NUP210L: variants seen among roughly 807,000 people sequenced by gnomAD.
NUP210L encodes nuclear pore membrane glycoprotein 210-like.
In NUP210L, 74 loss-of-function variants were observed where a neutral mutation model predicts 208.5. That is an observed-to-expected ratio of 0.35 (90% CI 0.29 to 0.43). NUP210L has a LOEUF of 0.43. NUP210L is among the 20% of genes least tolerant of loss of function. The pLI, the probability that NUP210L is intolerant of heterozygous loss-of-function variation, is 1.00. For missense variants in NUP210L, 1,843 were observed against 2,289.4 expected (o/e 0.81, Z 3.98); for synonymous variants, 780 against 816.9 (o/e 0.95, Z 0.77).
At chr1:154,015,750 C>CA (rs59728881) in intron 33 of NUP210L, among the ~76,000 whole-genome samples, 9 of 148,270 alleles carry the variant, frequency 6.1e-5, no homozygotes, top group Non-Finnish European at 1.2e-4. Flanking sequence ...CACACACACA[C>CA]CCCACAGAAT....
chr1:154,149,332 C>T (rs1354348293), intron 2 of NUP210L, among the ~76,000 whole-genome samples: 2 of 152,062 alleles, frequency 1.3e-5, no homozygotes, highest in East Asian at 1.9e-4. Flanking sequence ...GTGATCCACC[C>T]GCCTTGGCCT....
intron 30 of NUP210L, among the ~76,000 whole-genome samples, chr1:154,024,934 T>TTG (rs1651779905): frequency 7.4e-6 from 1 of 135,416 alleles, no homozygotes; most frequent in Non-Finnish European, 1.6e-5. Context: ...TTTTTTTTTT[T>TTG]TTTTTTTTTT....
intron 12 of NUP210L, among the ~76,000 whole-genome samples, chr1:154,112,463 G>A (rs556390726): frequency 1.3e-5 from 2 of 152,236 alleles, no homozygotes; most frequent in Admixed American, 1.3e-4. Flanking sequence ...GTAACACAAA[G>A]AAAGGATAAA....
intron 33 of NUP210L, among the ~76,000 whole-genome samples, chr1:154,016,967 A>G (rs1651280004): frequency 6.6e-6 from 1 of 151,792 alleles, no homozygotes; most frequent in South Asian, 2.1e-4. Flanking sequence ...CTCCATCTCA[A>G]AAAAAAACAA....
At chr1:154,066,719 A>G (rs1319205331) in intron 17 of NUP210L, among the ~76,000 whole-genome samples, 3 of 152,246 alleles carry the variant, frequency 2.0e-5, no homozygotes, top group Non-Finnish European at 4.4e-5. Context: ...AAGAAAAGAG[A>G]GAGGAATCAA....
chr1:154,134,170 T>C (rs1454620426), intron 7 of NUP210L, among the ~76,000 whole-genome samples: 1 of 149,948 alleles, frequency 6.7e-6, no homozygotes, highest in Non-Finnish European at 1.5e-5. Flanking sequence ...ATAATAATAA[T>C]AATAATAATA....
chr1:154,114,680 C>T lies in NUP210L; in HGVS notation c.1620+3045G>A, dbSNP rs181753989. 1.7e-3 allele frequency among the ~76,000 whole-genome samples: 258 copies of T among 151,954 alleles called. 1 individual carries two copies. The highest frequency in any genetic ancestry group is 2.6e-3 in the Admixed American group (40 of 15,234). Reference sequence around the variant, plus strand: ...GTGCAGAGGCGTGATCATAGTTCACCGCAACCTCAAACTCCTGGCCTCAAG... The same window carrying T: ...GTGCAGAGGCGTGATCATAGTTCACTGCAACCTCAAACTCCTGGCCTCAAG... On this transcript the variant is annotated intron_variant, in intron 12 of 39. Transcript: ENST00000368559.
At chr1:154,124,477 C>T (rs1423316428) in intron 10 of NUP210L, among the ~76,000 whole-genome samples, 1 of 151,992 alleles carries the variant, frequency 6.6e-6, no homozygotes. Flanking sequence ...TATCCCTTTA[C>T]TCAATAACTC....
intron 10 of NUP210L, among the ~76,000 whole-genome samples, chr1:154,121,978 G>C (rs1237979364): frequency 6.6e-6 from 1 of 151,670 alleles, no homozygotes; most frequent in Admixed American, 6.6e-5. Context: ...CAGACAAATA[G>C]AGAAAAGTCA....
chr1:154,152,789 G>A (rs369687777), exon 2 of NUP210L: 3 of 1,613,932 alleles, frequency 1.9e-6, no homozygotes, highest in Non-Finnish European at 8.5e-7. Flanking sequence ...CGTAGATTCA[G>A]CAATGAGTAC....
chr1:154,016,386 A>G (rs546866277), intron 33 of NUP210L, among the ~76,000 whole-genome samples: 49 of 152,280 alleles, frequency 3.2e-4, no homozygotes, highest in African/African-American at 1.1e-3. Context: ...GACATTACAT[A>G]TATTTAAGAA....
exon 19 of NUP210L, chr1:154,060,999 T>C: frequency 6.2e-7 from 1 of 1,613,860 alleles, no homozygotes; most frequent in Non-Finnish European, 8.5e-7. Context: ...TTACATCATC[T>C]ACCAGGAGCA....
chr1:154,073,992 CAT>C (rs1025880863), intron 16 of NUP210L, among the ~76,000 whole-genome samples: 7 of 150,852 alleles, frequency 4.6e-5, no homozygotes, highest in Non-Finnish European at 1.0e-4. Context: ...GAATTTGGCA[CAT>C]GTTACAAATT....
At chr1:154,038,343 T>C (rs952636850) in intron 27 of NUP210L, among the ~76,000 whole-genome samples, 21 of 150,814 alleles carry the variant, frequency 1.4e-4, no homozygotes, top group East Asian at 1.9e-4. Context: ...TTTTCTTTTT[T>C]TTTTTTTTTT....
intron 32 of NUP210L, among the ~76,000 whole-genome samples, chr1:154,019,434 T>C (rs1363092562): frequency 6.6e-6 from 1 of 152,128 alleles, no homozygotes; most frequent in Non-Finnish European, 1.5e-5. Flanking sequence ...AAAGTGACCA[T>C]GGCAAGAGAA....
At chr1:154,093,005 G>A (rs1311127408) in intron 15 of NUP210L, among the ~76,000 whole-genome samples, 4 of 152,260 alleles carry the variant, frequency 2.6e-5, no homozygotes, top group East Asian at 1.9e-4. Flanking sequence ...GATTACAGGC[G>A]TGAGCCACTG....
At chr1:154,056,667 C>T in intron 23 of NUP210L, 148 bp downstream of exon 23, 1 of 684,452 alleles carries the variant, frequency 1.5e-6, no homozygotes, top group Non-Finnish European at 2.3e-6. Context: ...GTGATGTTCC[C>T]ACCTCAGCCT....
In NUP210L at chr1:154,047,749, G is replaced by A. The variant is rs372192817; in HGVS notation, c.3484-1380C>T. ...CATGGCTCTCAGCTCTGAAGGCTGTGAGCCCCCTGATTTCCCACTCCACAC... is the reference window on the plus strand; with the variant it reads ...CATGGCTCTCAGCTCTGAAGGCTGTAAGCCCCCTGATTTCCCACTCCACAC... On this transcript the variant is annotated intron_variant, in intron 25 of 39. Coordinates refer to ENST00000368559, the Ensembl canonical transcript of NUP210L. Among the ~76,000 whole-genome samples the A allele has an allele frequency of 7.2e-5, 11 of 152,276 alleles. 1 individual carries two copies. In the South Asian group the frequency reaches 2.3e-3, roughly 32 times the overall value.
chr1:154,059,422 G>C lies in NUP210L; in HGVS notation c.2851-729C>G, dbSNP rs543497193. On this transcript the variant is annotated intron_variant, in intron 20 of 39. Transcript: ENST00000368559. ...GCTGAGGTGGATCACTTGAATCTAAGAGTTCAAGGCTACAGTGAGCTATGA... is the reference window on the plus strand; with the variant it reads ...GCTGAGGTGGATCACTTGAATCTAACAGTTCAAGGCTACAGTGAGCTATGA... Among the ~76,000 whole-genome samples, 16 of 152,164 alleles carry C rather than the reference G, an allele frequency of 1.1e-4. No homozygotes were observed. The East Asian group carries it at 3.1e-3, about 29-fold the overall frequency.
Sources: allele counts gnomAD v4.1 joint callset (sites outside exome capture counted in the v4.1 genomes callset), GRCh38; gene constraint gnomAD v4.1.1; transcripts MANE v1.5; gene names NCBI Gene and HGNC (gene_info 2026-07-23, HGNC 2026-07-21).